The following SIX5 variants were observed in gnomAD, a reference collection of about 807,000 sequenced individuals.
SIX5 encodes the protein homeobox protein SIX5.
In SIX5, 21 loss-of-function variants were observed where a neutral mutation model predicts 37.1. The ratio of observed to expected loss-of-function variants is 0.57; its 90% confidence interval spans 0.40 to 0.81. The LOEUF (loss-of-function observed/expected upper bound fraction) is 0.81. Among genes scored for constraint, SIX5 ranks in the 40% least tolerant of loss-of-function variants. The pLI is 0.00. For missense variants in SIX5, 1,137 were observed against 1,025.1 expected (o/e 1.11, Z -1.49); for synonymous variants, 626 against 505.9 (o/e 1.24, Z -3.19).
At position 45,767,066 on chromosome 19, in the gene SIX5, G is replaced by C; in HGVS notation, c.893C>G (p.Ala298Gly). Residue 298 changes from alanine (A) to glycine (G), a missense_variant, in exon 2 of 3, where the codon GCC becomes GGC. Physicochemically the swap from Ala to Gly is moderately conservative, Grantham distance 60. This residue lies in a region of SIX5 where 787 missense variants were observed against 621.4 expected (regional missense o/e 1.27). Transcript: ENST00000317578. ...CAGGAATATGGAGCCCTGGGCAGCG[G>C]CCTCGGCGGACACTGGGGCCGCCCC... is the stretch of plus-strand genomic sequence containing the variant. ...ERGAAPVSAE[A>G]AAQGSIFLAG... 1 of 1,608,898 alleles carries C rather than the reference G, an allele frequency of 6.2e-7. No individual in the cohort carries two copies. The highest frequency in any genetic ancestry group is 8.5e-7 in the Non-Finnish European group (1 of 1,177,412).
rs1272715475 is a variant in SIX5 at position 45,766,900 on chromosome 19, G to A, written c.1059C>T (p.Ala353=). The change falls in exon 2 of 3, where the codon GCC becomes GCT. Residue 353 remains alanine, a synonymous_variant. Transcript: ENST00000317578. ...VIINGLALGE[A]SSLGPLLLTG... is the part of the protein sequence containing the mutation. ...TGAGCAGCAGCGGGCCCAGGCTGGAGGCCTCGCCCAGGGCCAGGCCGTTGA... is the reference window on the plus strand; with the variant it reads ...TGAGCAGCAGCGGGCCCAGGCTGGAAGCCTCGCCCAGGGCCAGGCCGTTGA... 35 of 1,552,614 alleles carry A rather than the reference G, an allele frequency of 2.3e-5. No individual in the cohort carries two copies. Among genetic ancestry groups the A allele is most frequent in the Non-Finnish European group, 2.9e-5 (33 of 1,151,576 alleles).
Position 45,766,549 on chromosome 19 carries a change from G to A in SIX5, c.1410C>T (p.Ser470=), listed in dbSNP as rs951265597. 2.7e-6 allele frequency: 4 copies of A among 1,483,350 alleles called. No homozygotes were observed. In the African/African-American group the frequency reaches 5.6e-5, roughly 21 times the overall value. The allele number at this position is 1,483,350 out of a possible 1,614,324, so 91.9% of individuals were successfully genotyped here. ...PGYPTGLSPT[S]PLLNLPQVVP... ...CTACCTGGGGCAGGTTCAATAGTGG[G>A]GAGGTGGGGCTCAGGCCCGTGGGAT... Residue 470 remains serine, a synonymous_variant, in exon 2 of 3, where the codon TCC becomes TCT. Coordinates refer to ENST00000317578, the MANE Select transcript of SIX5 (RefSeq NM_175875.5).
chr19:45,768,704 C>CGCCGCCTCACCCTCG lies in SIX5; in HGVS notation c.126_140dup (p.Glu43_Ala47dup). On this transcript the variant is annotated inframe_insertion, in exon 1 of 3. Transcript: ENST00000317578. ...CGCCCGCCCCGGCCCCGGCCGCCGC[C>CGCCGCCTCACCCTCG]GCCGCCTCACCCTCGGCCGCCTGCA... 7.3e-7 allele frequency: 1 copy of CGCCGCCTCACCCTCG among 1,367,776 alleles called. No individual in the cohort carries two copies. Among genetic ancestry groups the CGCCGCCTCACCCTCG allele is most frequent in the Admixed American group, 3.5e-5 (1 of 28,924 alleles). 84.7% of individuals were successfully genotyped at this position (1,367,776 alleles called of 1,614,324 possible). A position where few individuals can be genotyped will look rare whatever the true frequency, so the allele number is the denominator to read the frequency against.
chr19:45,768,893 C>G lies in SIX5; in HGVS notation c.-49G>C. The G allele has an allele frequency of 6.7e-7, 1 of 1,497,936 alleles. No homozygotes were observed. The highest frequency in any genetic ancestry group is 8.9e-7 in the Non-Finnish European group (1 of 1,119,892). The allele number at this position is 1,497,936 out of a possible 1,614,324, so 92.8% of individuals were successfully genotyped here. A position where few individuals can be genotyped will look rare whatever the true frequency, so the allele number is the denominator to read the frequency against. ...TCCCTCCCTCTCTTCCTCCCTCGGG[C>G]TTTCCCCAGCCTCCTCCCCCACCTG... On this transcript the variant is annotated 5_prime_UTR_variant, in exon 1 of 3. Transcript: ENST00000317578.
At chr19:45,767,692 G>A (rs1969105937) in intron 1 of SIX5, 2 of 378,738 alleles carry the variant, frequency 5.3e-6, no homozygotes, top group African/African-American at 2.1e-5. Flanking sequence ...TGAAGAAAGG[G>A]GGCTGGGAGG....
chr19:45,765,120 A>G lies in SIX5; in HGVS notation c.*381T>C. 3.0e-6 allele frequency: 1 copy of G among 337,934 alleles called. No individual in the cohort carries two copies. The highest frequency in any genetic ancestry group is 3.0e-5 in the South Asian group (1 of 33,438). The allele number at this position is 337,934 out of a possible 1,614,324, so 20.9% of individuals were successfully genotyped here. ...ACACCAGCTATCGGCAGAGCTATTA[A>G]TAGTGTTTCAGGGAGTGACAGGGAG... is the stretch of plus-strand genomic sequence containing the variant. On this transcript the variant is annotated 3_prime_UTR_variant, in exon 3 of 3. Coordinates refer to ENST00000317578, the MANE Select transcript of SIX5 (RefSeq NM_175875.5).
rs1020167733 is a variant in SIX5, at chr19:45,768,802, C to T, written c.43G>A (p.Gly15Arg). The T allele has an allele frequency of 7.8e-6, 12 of 1,529,696 alleles. No individual in the cohort carries two copies. Among genetic ancestry groups the T allele is most frequent in the Admixed American group, 5.9e-5 (3 of 50,502 alleles). 94.8% of individuals were successfully genotyped at this position (1,529,696 alleles called of 1,614,324 possible). Residue 15 changes from glycine to arginine, a missense_variant, in exon 1 of 3, where the codon GGG (glycine) becomes AGG (arginine). Around this residue, in one of 3 missense-constraint regions of SIX5, gnomAD observed 331 missense variants for 360.9 expected, o/e 0.92. Transcript: ENST00000317578. ...PAEPSAGPAA[G>R]GEAVAAAAAT... is the part of the protein sequence containing the mutation. The stretch of plus-strand genomic sequence containing the variant: ...GCCGCCGCCGCCACCGCCTCCCCCC[C>T]AGCCGCCGGCCCCGCGCTCGGCTCC...
chr19:45,768,802 C>A lies in SIX5; in HGVS notation c.43G>T (p.Gly15Trp), dbSNP rs1020167733. The change falls in exon 1 of 3, where the codon GGG (glycine) becomes TGG (tryptophan). Residue 15 changes from glycine (G) to tryptophan (W), a missense_variant. Physicochemically the swap from Gly to Trp is radical, Grantham distance 184. Coordinates refer to ENST00000317578, the MANE Select transcript of SIX5 (RefSeq NM_175875.5). Reference sequence around the variant, plus strand: ...GCCGCCGCCGCCACCGCCTCCCCCCCAGCCGCCGGCCCCGCGCTCGGCTCC... The same window carrying A: ...GCCGCCGCCGCCACCGCCTCCCCCCAAGCCGCCGGCCCCGCGCTCGGCTCC... The part of the protein sequence containing the change: ...PAEPSAGPAA[G>W]GEAVAAAAAT... 2.2e-5 allele frequency: 34 copies of A among 1,529,588 alleles called. No individual in the cohort carries two copies. Among genetic ancestry groups the A allele is most frequent in the Admixed American group, 7.9e-5 (4 of 50,482 alleles). 94.8% of individuals were successfully genotyped at this position (1,529,588 alleles called of 1,614,324 possible).
chr19:45,768,146 G>C lies in SIX5; in HGVS notation c.699C>G (p.Arg233=). 6.2e-7 allele frequency: 1 copy of C among 1,611,320 alleles called. No homozygotes were observed. The highest frequency in any genetic ancestry group is 8.5e-7 in the Non-Finnish European group (1 of 1,179,552). ...NRYPTPDEKR[R]LATLTGLSLT... ...GCGACAGGCCGGTGAGTGTGGCCAG[G>C]CGGCGCTTCTCGTCCGGCGTGGGGT... The change falls in exon 1 of 3, where the codon CGC becomes CGG. Residue 233 remains arginine, a synonymous_variant. Transcript: ENST00000317578.
In SIX5 at chr19:45,767,023, G is replaced by C. The variant is rs374751577; in HGVS notation, c.936C>G (p.Pro312=). ...TGGAGGAGGAAGCCGGGCAAGGCGC[G>C]GGAGGGCCGGTCCCTGCCAGGAATA... ...GSIFLAGTGP[P]APCPASSSIL... Residue 312 remains proline (P), a synonymous_variant, in exon 2 of 3, where the codon CCC becomes CCG. Coordinates refer to ENST00000317578, the MANE Select transcript of SIX5 (RefSeq NM_175875.5). 5 of 1,608,524 alleles carry C rather than the reference G, an allele frequency of 3.1e-6. No individual in the cohort carries two copies. In the East Asian group the frequency reaches 8.9e-5, roughly 29 times the overall value.
rs1326954754 is a variant in SIX5 at position 45,768,905 on chromosome 19, T to G, written c.-61A>C. 5 of 1,363,420 alleles carry G rather than the reference T, an allele frequency of 3.7e-6. No individual in the cohort carries two copies. Among genetic ancestry groups the G allele is most frequent in the African/African-American group, 1.8e-5 (1 of 55,328 alleles). The allele number at this position is 1,363,420 out of a possible 1,614,324, so 84.5% of individuals were successfully genotyped here. On this transcript the variant is annotated 5_prime_UTR_variant, in exon 1 of 3. Coordinates refer to ENST00000317578, the MANE Select transcript of SIX5 (RefSeq NM_175875.5). ...TTCCTCCCTCGGGCTTTCCCCAGCC[T>G]CCTCCCCCACCTGTCCCCCCTTTTC... is the stretch of plus-strand genomic sequence containing the variant.
rs548263982 is a variant in SIX5 at position 45,767,231 on chromosome 19, C to G, written c.804-76G>C. On this transcript the variant is annotated intron_variant, in intron 1 of 2. Coordinates refer to ENST00000317578, the MANE Select transcript of SIX5 (RefSeq NM_175875.5). Reference sequence around the variant, plus strand: ...CCGCATAGCCAGCCAGCTGCTCCCCCACCTTTCCCTGGCCCAAGTTTCGGT... The same window carrying G: ...CCGCATAGCCAGCCAGCTGCTCCCCGACCTTTCCCTGGCCCAAGTTTCGGT... 31 of 1,476,892 alleles carry G rather than the reference C, an allele frequency of 2.1e-5. No homozygotes were observed. In the Admixed American group the frequency reaches 2.5e-4, roughly 12 times the overall value. 91.5% of individuals were successfully genotyped at this position (1,476,892 alleles called of 1,614,324 possible).
chr19:45,765,974 G>C lies in SIX5; in HGVS notation c.1747C>G (p.Leu583Val). Residue 583 changes from leucine (L) to valine (V), a missense_variant, in exon 3 of 3, where the codon CTG (leucine) becomes GTG (valine). Transcript: ENST00000317578. ...VSQVLPPAPG[L>V]ALPLKPETAI... ...GTCTCTGGCTTCAGTGGCAGGGCCA[G>C]GCCGGGGGCTGGCGGCAGGACCTGG... is the stretch of plus-strand genomic sequence containing the variant. The C allele has an allele frequency of 6.3e-7, 1 of 1,588,248 alleles. No individual in the cohort carries two copies. The highest frequency in any genetic ancestry group is 8.6e-7 in the Non-Finnish European group (1 of 1,168,956).
In SIX5 at chr19:45,767,034, T is replaced by C; in HGVS notation, c.925A>G (p.Thr309Ala). ...AAQGSIFLAGTGPPAPCPASS... is the reference protein window; with the variant it reads ...AAQGSIFLAGAGPPAPCPASS... ...GCCGGGCAAGGCGCGGGAGGGCCGG[T>C]CCCTGCCAGGAATATGGAGCCCTGG... The change falls in exon 2 of 3, where the codon ACC (threonine) becomes GCC (alanine). Residue 309 changes from threonine to alanine, a missense_variant. By Grantham distance (58) the Thr-to-Ala change is moderately conservative. Coordinates refer to ENST00000317578, the MANE Select transcript of SIX5 (RefSeq NM_175875.5). 1.2e-6 allele frequency: 2 copies of C among 1,609,886 alleles called. No homozygotes were observed. Among genetic ancestry groups the C allele is most frequent in the Non-Finnish European group, 1.7e-6 (2 of 1,179,128 alleles).
chr19:45,768,499 G>C lies in SIX5; in HGVS notation c.346C>G (p.Pro116Ala). ...TCGCTGCCACGTAGGCGCTCGGCCG[G>C]GGGCAGTGCGCCCAGGAAGCGGCTC... ...RLSRFLGALP[P>A]AERLRGSDPV... Residue 116 changes from proline (P) to alanine (A), a missense_variant, in exon 1 of 3, where the codon CCG becomes GCG. This residue lies in a region of SIX5 where 331 missense variants were observed against 360.9 expected (regional missense o/e 0.92). Coordinates refer to ENST00000317578, the MANE Select transcript of SIX5 (RefSeq NM_175875.5). 6 of 1,496,938 alleles carry C rather than the reference G, an allele frequency of 4.0e-6. No homozygotes were observed. In the South Asian group the frequency reaches 7.5e-5, roughly 19 times the overall value. 92.7% of individuals were successfully genotyped at this position (1,496,938 alleles called of 1,614,324 possible). A position where few individuals can be genotyped will look rare whatever the true frequency, so the allele number is the denominator to read the frequency against.
Position 45,766,086 on chromosome 19 carries a change from C to T in SIX5, c.1635G>A (p.Val545=). 2.5e-6 allele frequency: 4 copies of T among 1,611,976 alleles called. No individual in the cohort carries two copies. The highest frequency in any genetic ancestry group is 3.4e-6 in the Non-Finnish European group (4 of 1,179,254). Residue 545 remains valine, a synonymous_variant, in exon 3 of 3, where the codon GTG becomes GTA. Coordinates refer to ENST00000317578, the MANE Select transcript of SIX5 (RefSeq NM_175875.5). ...APGNFLLANP[V]SGSPIVTGVA... ...CACCCGTCACGATGGGGCTGCCAGACACAGGGTTGGCCAGGAGGAAGTTTC... is the reference window on the plus strand; with the variant it reads ...CACCCGTCACGATGGGGCTGCCAGATACAGGGTTGGCCAGGAGGAAGTTTC...
chr19:45,766,776 G>A lies in SIX5; in HGVS notation c.1183C>T (p.Leu395=). The part of the protein sequence containing the change: ...VLDPQTGEVR[L]EEAQSEAPET... ...GGGGCCTCCGACTGAGCCTCCTCCA[G>A]CCGCACCTCCCCTGTCTGAGGGTCC... The change falls in exon 2 of 3, where the codon CTG becomes TTG. Residue 395 remains leucine (L), a synonymous_variant. Transcript: ENST00000317578. The A allele has an allele frequency of 6.3e-7, 1 of 1,580,902 alleles. No individual in the cohort carries two copies. Among genetic ancestry groups the A allele is most frequent in the African/African-American group, 1.3e-5 (1 of 74,074 alleles).
In SIX5 at chr19:45,768,716, C is replaced by T. The variant is rs1477553628; in HGVS notation, c.129G>A (p.Glu43=). The T allele has an allele frequency of 2.8e-6, 4 of 1,432,094 alleles. No homozygotes were observed. Among genetic ancestry groups the T allele is most frequent in the Non-Finnish European group, 3.6e-6 (4 of 1,096,710 alleles). The allele number at this position is 1,432,094 out of a possible 1,614,324, so 88.7% of individuals were successfully genotyped here. The change falls in exon 1 of 3, where the codon GAG becomes GAA. Residue 43 remains glutamate (E), a synonymous_variant. Transcript: ENST00000317578. ...CCCCGGCCGCCGCCGCCGCCTCACC[C>T]TCGGCCGCCTGCAAAGTCTGCAAGA... ...RQLLQTLQAA[E]GEAAAAAGAG... is the part of the protein sequence containing the mutation.
chr19:45,767,867 C>T (rs375994402), intron 1 of SIX5, 175 bp downstream of exon 1: 9 of 653,756 alleles, frequency 1.4e-5, no homozygotes, highest in African/African-American at 9.2e-5. Flanking sequence ...CGGGCGGGTG[C>T]CTGTCCCGTC....
Sources: allele counts gnomAD v4.1 joint callset, GRCh38; gene constraint gnomAD v4.1.1; regional missense constraint gnomAD v4.1.1; transcripts MANE v1.5; gene names NCBI Gene and HGNC (gene_info 2026-07-23, HGNC 2026-07-21).